RALGAPA1: variants seen among roughly 807,000 people sequenced by gnomAD.
RALGAPA1 encodes the protein ral GTPase-activating protein subunit alpha-1.
Under a neutral mutation model 269.6 loss-of-function variants are expected in RALGAPA1, and 52 were observed. The ratio of observed to expected loss-of-function variants is 0.19; its 90% CI spans 0.15 to 0.24. RALGAPA1 has a LOEUF of 0.24. Ranked by LOEUF, RALGAPA1 falls within the 10% of genes least tolerant of loss-of-function variation. The probability of loss-of-function intolerance (pLI) is 1.00; values close to 1 mark genes in which losing one functional copy is unlikely to be tolerated. For missense variants in RALGAPA1, 1,917 were observed against 3,013.9 expected (o/e 0.64, Z 8.52); for synonymous variants, 817 against 1,008.3 (o/e 0.81, Z 3.60).
At chr14:35,673,773 G>C (rs565964512) in intron 24 of RALGAPA1, among the ~76,000 whole-genome samples, 10 of 151,920 alleles carry the variant, frequency 6.6e-5, no homozygotes, top group Middle Eastern at 3.4e-3. Flanking sequence ...GTAGAGACAG[G>C]GTTTCACCAT....
chr14:35,705,408 T>A (rs1171633640), intron 16 of RALGAPA1, among the ~76,000 whole-genome samples: 1 of 152,128 alleles, frequency 6.6e-6, no homozygotes, highest in East Asian at 1.9e-4. Flanking sequence ...TTTTCCACAA[T>A]GTCATATATT....
chr14:35,607,744 T>C (rs1051231682), intron 35 of RALGAPA1, among the ~76,000 whole-genome samples: 5 of 152,156 alleles, frequency 3.3e-5, no homozygotes, highest in Non-Finnish European at 7.3e-5. Flanking sequence ...CTGACATTAT[T>C]TGCAACAGAG....
chr14:35,774,984 A>T, intron 3 of RALGAPA1, 22 bp downstream of exon 3: 1 of 1,470,996 alleles, frequency 6.8e-7, no homozygotes, highest in Non-Finnish European at 9.4e-7. Flanking sequence ...AAAAGGGAAA[A>T]GTTAGGTTCA....
At chr14:35,656,006 C>T in intron 28 of RALGAPA1, 91 bp from the exon 29 acceptor site, 1 of 1,585,890 alleles carries the variant, frequency 6.3e-7, no homozygotes, top group Admixed American at 1.9e-5. Context: ...TGAACATGCA[C>T]TATTTTAAAT....
rs369042628 is a variant in RALGAPA1 at position 35,723,033 on chromosome 14, C to A, written c.2098G>T (p.Gly700Trp). Residue 700 changes from glycine to tryptophan, a missense_variant, in exon 15 of 42, where the codon GGG becomes TGG. Physicochemically the swap from Gly to Trp is radical, Grantham distance 184. This residue lies in a region of RALGAPA1 where 40 missense variants were observed against 112.6 expected (regional missense o/e 0.36). Coordinates refer to ENST00000680220, the MANE Select transcript of RALGAPA1 (RefSeq NM_001346249.2). ...CTCTATGAACAATTCTTACCTTTCC[C>A]TTTGTGCTTTTTTTGTTTCTGTTCA... is the stretch of plus-strand genomic sequence containing the variant. Reference protein sequence around the residue: ...LSEQKQKKHKGKGVGHEFQKV... With the variant: ...LSEQKQKKHKWKGVGHEFQKV... 3 of 1,590,444 alleles carry A rather than the reference C, an allele frequency of 1.9e-6. No individual in the cohort carries two copies. The highest frequency in any genetic ancestry group is 2.2e-5 in the South Asian group (2 of 90,148).
chr14:35,795,308 G>A (rs183071279), intron 1 of RALGAPA1, among the ~76,000 whole-genome samples: 5 of 152,156 alleles, frequency 3.3e-5, no homozygotes, highest in East Asian at 3.9e-4. Flanking sequence ...GAGTTCACAC[G>A]ACACAGCACC....
intron 37 of RALGAPA1, among the ~76,000 whole-genome samples, chr14:35,590,774 C>G (rs867683545): frequency 6.6e-6 from 1 of 152,150 alleles, no homozygotes; most frequent in Admixed American, 6.5e-5. Context: ...TCCTAAACTT[C>G]CTTTTAAAAA....
At chr14:35,565,031 A>T (rs1411055726) in intron 39 of RALGAPA1, among the ~76,000 whole-genome samples, 1 of 152,092 alleles carries the variant, frequency 6.6e-6, no homozygotes, top group Admixed American at 6.6e-5. Flanking sequence ...GGACAGGATT[A>T]CTATCTGATT....
At chr14:35,732,577 A>G (rs1324209007) in intron 12 of RALGAPA1, among the ~76,000 whole-genome samples, 1 of 152,260 alleles carries the variant, frequency 6.6e-6, no homozygotes, top group Non-Finnish European at 1.5e-5. Flanking sequence ...GCAAATGGAC[A>G]CCAAAAGCGA....
At chr14:35,728,796 G>A (rs1048207821) in intron 12 of RALGAPA1, among the ~76,000 whole-genome samples, 4 of 150,598 alleles carry the variant, frequency 2.7e-5, no homozygotes, top group African/African-American at 9.8e-5. Context: ...GCAGCGGTAT[G>A]ATTTCGGCTC....
chr14:35,732,353 A>C (rs1442057120), intron 12 of RALGAPA1, among the ~76,000 whole-genome samples: 2 of 152,210 alleles, frequency 1.3e-5, no homozygotes, highest in Middle Eastern at 3.4e-3. Context: ...AAAAAAAAAA[A>C]CCAAGGTACA....
At chr14:35,733,694 C>T (rs750139511) in intron 12 of RALGAPA1, among the ~76,000 whole-genome samples, 11 of 151,890 alleles carry the variant, frequency 7.2e-5, no homozygotes, top group Non-Finnish European at 1.5e-4. Context: ...CAAACCCAAA[C>T]CCAGCAGAAG....
intron 16 of RALGAPA1, among the ~76,000 whole-genome samples, chr14:35,703,986 C>T (rs537874598): frequency 3.2e-4 from 49 of 152,150 alleles, no homozygotes; most frequent in Non-Finnish European, 6.3e-4. Context: ...GGACCCTTAA[C>T]AGCATATAAA....
intron 21 of RALGAPA1, among the ~76,000 whole-genome samples, chr14:35,681,690 A>G (rs1377423745): frequency 2.6e-5 from 4 of 152,204 alleles, no homozygotes; most frequent in African/African-American, 9.6e-5. Context: ...TTAAGTATAC[A>G]GTTATTTGAA....
chr14:35,560,070 C>T (rs536718878), intron 39 of RALGAPA1, among the ~76,000 whole-genome samples: 49 of 152,100 alleles, frequency 3.2e-4, no homozygotes, highest in Non-Finnish European at 6.0e-4. Flanking sequence ...ATGAAAATAA[C>T]GATCAATAAA....
chr14:35,643,438 T>C (rs1594941623), intron 31 of RALGAPA1, among the ~76,000 whole-genome samples: 1 of 152,322 alleles, frequency 6.6e-6, no homozygotes, highest in East Asian at 1.9e-4. Context: ...TTGGTGGGAA[T>C]TTATGTTAGT....
chr14:35,638,380 A>T (rs1594921571), intron 31 of RALGAPA1, among the ~76,000 whole-genome samples: 1 of 152,344 alleles, frequency 6.6e-6, no homozygotes, highest in East Asian at 1.9e-4. Context: ...TTGTTTATGC[A>T]GTCAGTGTCA....
At chr14:35,612,725 A>C (rs1594811027) in intron 35 of RALGAPA1, among the ~76,000 whole-genome samples, 1 of 152,116 alleles carries the variant, frequency 6.6e-6, no homozygotes, top group East Asian at 1.9e-4. Flanking sequence ...TTTTTAGTAG[A>C]GATGGGGTTT....
chr14:35,642,017 T>C (rs1404405125), intron 31 of RALGAPA1, among the ~76,000 whole-genome samples: 2 of 152,200 alleles, frequency 1.3e-5, no homozygotes, highest in Non-Finnish European at 2.9e-5. Context: ...CTTCAATATA[T>C]GGTGCTGAGA....
Sources: allele counts gnomAD v4.1 joint callset (sites outside exome capture counted in the v4.1 genomes callset), GRCh38; gene constraint gnomAD v4.1.1; regional missense constraint gnomAD v4.1.1; transcripts MANE v1.5; gene names NCBI Gene and HGNC (gene_info 2026-07-23, HGNC 2026-07-21).